The following SLC9A9 variants were observed in gnomAD, a reference collection of about 807,000 sequenced individuals.
SLC9A9 encodes sodium/hydrogen exchanger 9.
In SLC9A9, 62 loss-of-function variants were observed where a neutral mutation model predicts 77.8. The observed-to-expected ratio is 0.80, with a 90% CI of 0.65 to 0.98. SLC9A9 has a LOEUF of 0.98. Among genes scored for constraint, SLC9A9 ranks in the 50% least tolerant of loss-of-function variants. The pLI is 0.00. For missense variants in SLC9A9, 775 were observed against 774.9 expected, an observed-to-expected ratio of 1.00 and a Z score of 0.00; for synonymous variants, 320 against 283.5, an observed-to-expected ratio of 1.13 and a Z score of -1.29.
intron 9 of SLC9A9, chr3:143,503,781 T>C (rs2035964322): frequency 3.0e-6 from 1 of 338,934 alleles, no homozygotes; most frequent in South Asian, 2.4e-5. Context: ...AAAGTTGTCA[T>C]GGATGGCCTT....
intron 9 of SLC9A9, among the ~76,000 whole-genome samples, chr3:143,548,432 C>T (rs747169950): frequency 9.2e-5 from 14 of 152,096 alleles, no homozygotes; most frequent in Non-Finnish European, 1.6e-4. Flanking sequence ...CTGCTGTGTG[C>T]TGATGTCCAT....
chr3:143,620,247 G>A (rs2038177410), intron 6 of SLC9A9, among the ~76,000 whole-genome samples: 1 of 152,084 alleles, frequency 6.6e-6, no homozygotes, highest in African/African-American at 2.4e-5. Context: ...CTAGCTGAGG[G>A]GTTTTGGCAA....
At chr3:143,664,048 A>G (rs2039022616) in intron 5 of SLC9A9, among the ~76,000 whole-genome samples, 1 of 152,174 alleles carries the variant, frequency 6.6e-6, no homozygotes, top group Non-Finnish European at 1.5e-5. Flanking sequence ...CAAGGTTGAA[A>G]TGAAGGAAAA....
intron 9 of SLC9A9, 64 bp from the exon 10 acceptor site, chr3:143,495,512 T>C: frequency 1.6e-6 from 2 of 1,225,536 alleles, no homozygotes; most frequent in South Asian, 2.4e-5. Context: ...ACTTACTTTC[T>C]GGTAACTGTA....
chr3:143,779,130 A>T lies in SLC9A9; in HGVS notation c.533+15871T>A, dbSNP rs1402357161. Among the ~76,000 whole-genome samples, 3 of 152,278 alleles carry T rather than the reference A, an allele frequency of 2.0e-5. No individual in the cohort carries two copies. The East Asian group carries it at 5.8e-4, about 29-fold the overall frequency. ...GCAATTGAAATAATCTATGTTTAAA[A>T]ATTCATATATTATACTGTTATTATT... On this transcript the variant is annotated intron_variant, in intron 4 of 15. Coordinates refer to ENST00000316549, the MANE Select transcript of SLC9A9 (RefSeq NM_173653.4).
intron 12 of SLC9A9, among the ~76,000 whole-genome samples, chr3:143,422,028 C>T (rs555134174): frequency 3.9e-4 from 60 of 152,232 alleles, no homozygotes; most frequent in Middle Eastern, 3.4e-3. Context: ...ATCAAAACCA[C>T]AATATGATAT....
intron 4 of SLC9A9, among the ~76,000 whole-genome samples, chr3:143,746,489 G>C (rs912321482): frequency 6.6e-6 from 1 of 152,064 alleles, no homozygotes; most frequent in Admixed American, 6.6e-5. Flanking sequence ...AGCTCTCTGA[G>C]AACATGTATA....
chr3:143,333,868 T>C (rs1056871654), intron 14 of SLC9A9, among the ~76,000 whole-genome samples: 4 of 151,940 alleles, frequency 2.6e-5, no homozygotes, highest in African/African-American at 9.7e-5. Flanking sequence ...ACCTTGTCTT[T>C]CCAGTTGTTT....
chr3:143,810,991 T>C (rs1446929395), intron 2 of SLC9A9, among the ~76,000 whole-genome samples: 1 of 151,780 alleles, frequency 6.6e-6, no homozygotes, highest in African/African-American at 2.4e-5. Flanking sequence ...AGCATATGAG[T>C]TGGATTTTGA....
At chr3:143,732,904 A>C (rs1351081449) in intron 4 of SLC9A9, among the ~76,000 whole-genome samples, 1 of 152,228 alleles carries the variant, frequency 6.6e-6, no homozygotes. Context: ...AGGCTGTCTT[A>C]CTTTGAATAT....
intron 9 of SLC9A9, among the ~76,000 whole-genome samples, chr3:143,541,566 C>A (rs940830848): frequency 1.3e-5 from 2 of 152,156 alleles, no homozygotes; most frequent in Non-Finnish European, 2.9e-5. Flanking sequence ...CAATATATAA[C>A]AAATATACCA....
chr3:143,580,774 C>T (rs1485075777), intron 6 of SLC9A9, among the ~76,000 whole-genome samples: 1 of 152,142 alleles, frequency 6.6e-6, no homozygotes, highest in South Asian at 2.1e-4. Context: ...TTGTACCCTT[C>T]CTGTGATATT....
At chr3:143,483,311 G>A (rs73008876) in intron 11 of SLC9A9, among the ~76,000 whole-genome samples, 2 of 152,192 alleles carry the variant, frequency 1.3e-5, no homozygotes, top group African/African-American at 2.4e-5. Context: ...GGAGGTGGGG[G>A]TGGAGTGTGG....
chr3:143,744,328 C>T (rs541946755), intron 4 of SLC9A9, among the ~76,000 whole-genome samples: 32 of 152,284 alleles, frequency 2.1e-4, no homozygotes, highest in South Asian at 1.5e-3. Context: ...GGCCACTTCA[C>T]GCCCCTGTCA....
intron 14 of SLC9A9, among the ~76,000 whole-genome samples, chr3:143,282,253 C>T (rs1477365701): frequency 2.0e-5 from 3 of 152,180 alleles, no homozygotes. Context: ...AACCACAACA[C>T]ATACCCCCCC....
intron 6 of SLC9A9, among the ~76,000 whole-genome samples, chr3:143,582,439 C>T (rs959495455): frequency 6.6e-6 from 1 of 152,160 alleles, no homozygotes; most frequent in African/African-American, 2.4e-5. Flanking sequence ...TCACCGTCAT[C>T]ATCATCATTC....
chr3:143,827,930 T>C (rs2009340892), intron 2 of SLC9A9, among the ~76,000 whole-genome samples: 1 of 152,212 alleles, frequency 6.6e-6, no homozygotes, highest in African/African-American at 2.4e-5. Context: ...CCCTGCACTC[T>C]TTCTAGCACT....
intron 4 of SLC9A9, among the ~76,000 whole-genome samples, chr3:143,788,858 A>G (rs1272487081): frequency 6.6e-6 from 1 of 152,088 alleles, no homozygotes; most frequent in Non-Finnish European, 1.5e-5. Context: ...ATTAATGAAA[A>G]TATGACAAGA....
intron 5 of SLC9A9, 77 bp downstream of exon 5, chr3:143,693,115 G>A (rs923962328): frequency 1.9e-6 from 2 of 1,076,352 alleles, no homozygotes; most frequent in Admixed American, 1.8e-5. Flanking sequence ...GTAGACGCAG[G>A]TGATGGTCTT....
Sources: allele counts gnomAD v4.1 joint callset (sites outside exome capture counted in the v4.1 genomes callset), GRCh38; gene constraint gnomAD v4.1.1; transcripts MANE v1.5; gene names NCBI Gene and HGNC (gene_info 2026-07-23, HGNC 2026-07-21).